Variants in SPOCK1 observed in about 807,000 individuals in gnomAD.
SPOCK1 encodes the protein SPARC (osteonectin), cwcv and kazal like domains proteoglycan 1.
In SPOCK1, 23 loss-of-function variants were observed where a neutral mutation model predicts 55.3. The ratio of observed to expected loss-of-function variants is 0.42; its 90% CI spans 0.30 to 0.59. The LOEUF is 0.59. Ranked by LOEUF, SPOCK1 falls within the 20% of genes least tolerant of loss-of-function variation. SPOCK1 has a pLI of 0.22. For synonymous variants in SPOCK1, 226 were observed against 221.0 expected (o/e 1.02, Z -0.20); for missense variants, 499 against 552.5 (o/e 0.90, Z 0.97).
chr5:137,202,161 T>A (rs1280241363), intron 3 of SPOCK1, among the ~76,000 whole-genome samples: 2 of 152,186 alleles, frequency 1.3e-5, no homozygotes, highest in African/African-American at 4.8e-5. Context: ...ACTCGGCCTC[T>A]AGGGACATCC....
At chr5:137,497,197 C>G (rs1253175483) in intron 2 of SPOCK1, among the ~76,000 whole-genome samples, 4 of 152,188 alleles carry the variant, frequency 2.6e-5, no homozygotes, top group African/African-American at 4.8e-5. Flanking sequence ...CCATACATAT[C>G]CCACCTCAAA....
intron 3 of SPOCK1, among the ~76,000 whole-genome samples, chr5:137,178,748 G>C (rs1379172451): frequency 6.6e-6 from 1 of 152,228 alleles, no homozygotes; most frequent in East Asian, 1.9e-4. Context: ...TTCAGACTAA[G>C]ACTGCCAGTG....
In SPOCK1 at chr5:137,007,736, C is replaced by T. The variant is rs187960079; in HGVS notation, c.590-15136G>A. 3.9e-5 allele frequency among the ~76,000 whole-genome samples: 6 copies of T among 152,176 alleles called. No homozygotes were observed. The East Asian group carries it at 1.2e-3, about 29-fold the overall frequency. On this transcript the variant is annotated intron_variant, in intron 6 of 10. Coordinates refer to ENST00000394945, the MANE Select transcript of SPOCK1 (RefSeq NM_004598.4). Reference sequence around the variant, plus strand: ...GATTGTAGAAGACAATGTGGCGATTCCTCAAGGATTTAGAACTAGAAATAC... The same window carrying T: ...GATTGTAGAAGACAATGTGGCGATTTCTCAAGGATTTAGAACTAGAAATAC...
chr5:137,386,633 T>C (rs985219856), intron 2 of SPOCK1, among the ~76,000 whole-genome samples: 2 of 152,110 alleles, frequency 1.3e-5, no homozygotes, highest in African/African-American at 2.4e-5. Flanking sequence ...AATCACAGAC[T>C]TTACACCCTT....
chr5:137,123,123 C>T (rs1246742440), intron 4 of SPOCK1, among the ~76,000 whole-genome samples: 1 of 152,206 alleles, frequency 6.6e-6, no homozygotes, highest in Non-Finnish European at 1.5e-5. Context: ...AAAAGCGCTA[C>T]AGGAGGCTGG....
At chr5:137,217,610 T>A (rs989132887) in intron 3 of SPOCK1, among the ~76,000 whole-genome samples, 2 of 152,192 alleles carry the variant, frequency 1.3e-5, no homozygotes, top group African/African-American at 4.8e-5. Flanking sequence ...ACACTGTGGT[T>A]TGAAATAAAA....
chr5:137,452,403 G>A (rs908886264), intron 2 of SPOCK1, among the ~76,000 whole-genome samples: 7 of 152,212 alleles, frequency 4.6e-5, no homozygotes, highest in African/African-American at 1.2e-4. Flanking sequence ...TTGAAAGGGC[G>A]GGGCTTACTG....
intron 2 of SPOCK1, among the ~76,000 whole-genome samples, chr5:137,457,473 G>A (rs1189918754): frequency 6.6e-6 from 1 of 150,534 alleles, no homozygotes; most frequent in African/African-American, 2.4e-5. Context: ...AAGAATCATG[G>A]AGCCTTTCAA....
At chr5:137,429,160 G>A (rs1461467931) in intron 2 of SPOCK1, among the ~76,000 whole-genome samples, 7 of 152,164 alleles carry the variant, frequency 4.6e-5, no homozygotes, top group Non-Finnish European at 1.5e-5. Flanking sequence ...TTTTCCCACA[G>A]ATTGGTCTCC....
At chr5:137,280,063 T>C (rs1459948998) in intron 2 of SPOCK1, among the ~76,000 whole-genome samples, 2 of 152,204 alleles carry the variant, frequency 1.3e-5, no homozygotes, top group Non-Finnish European at 2.9e-5. Context: ...GTGATCATGA[T>C]TCATGGCCTC....
At chr5:137,392,920 T>G (rs779209055) in intron 2 of SPOCK1, among the ~76,000 whole-genome samples, 1 of 152,174 alleles carries the variant, frequency 6.6e-6, no homozygotes, top group Non-Finnish European at 1.5e-5. Context: ...TATTGTATCA[T>G]CCAGCATTAC....
chr5:137,429,870 A>G (rs1386044476), intron 2 of SPOCK1, among the ~76,000 whole-genome samples: 2 of 152,206 alleles, frequency 1.3e-5, no homozygotes, highest in East Asian at 3.8e-4. Flanking sequence ...ATCTTACAAC[A>G]CTATGGCAGA....
chr5:137,081,020 A>G (rs1301817548), intron 5 of SPOCK1, among the ~76,000 whole-genome samples: 3 of 152,234 alleles, frequency 2.0e-5, no homozygotes, highest in Non-Finnish European at 2.9e-5. Context: ...TATCATTCAG[A>G]GTTCAGACAA....
intron 6 of SPOCK1, among the ~76,000 whole-genome samples, chr5:137,022,308 C>T (rs972659331): frequency 4.6e-5 from 7 of 152,102 alleles, no homozygotes; most frequent in African/African-American, 1.7e-4. Context: ...AGCTGACAGC[C>T]AGTTTCAATG....
intron 6 of SPOCK1, among the ~76,000 whole-genome samples, chr5:137,060,992 G>C (rs1028317476): frequency 1.3e-5 from 2 of 152,166 alleles, no homozygotes; most frequent in African/African-American, 4.8e-5. Flanking sequence ...TTAAGGTCAT[G>C]ACATTTAGAA....
chr5:137,140,733 T>A, intron 3 of SPOCK1, 39 bp from the exon 4 acceptor site: 156 of 691,608 alleles, frequency 2.3e-4, no homozygotes, highest in Non-Finnish European at 3.5e-4. Context: ...GTTTAGGACC[T>A]CCAGGGAAAT....
chr5:137,072,239 T>C (rs2127008519), intron 5 of SPOCK1, among the ~76,000 whole-genome samples: 1 of 152,366 alleles, frequency 6.6e-6, no homozygotes, highest in East Asian at 1.9e-4. Context: ...GATTTTATGA[T>C]GAAGCAGTCA....
At chr5:137,093,309 G>T (rs974965550) in intron 5 of SPOCK1, among the ~76,000 whole-genome samples, 1 of 152,170 alleles carries the variant, frequency 6.6e-6, no homozygotes, top group Admixed American at 6.5e-5. Flanking sequence ...GAAGGGCAGG[G>T]TCTCTCTCAG....
chr5:137,264,482 C>T (rs940229143), intron 3 of SPOCK1, among the ~76,000 whole-genome samples: 2 of 152,124 alleles, frequency 1.3e-5, no homozygotes, highest in African/African-American at 4.8e-5. Context: ...CAAGCCTACT[C>T]CACACCCACC....
Sources: gnomAD v4.1 joint callset for allele counts (sites outside exome capture counted in the v4.1 genomes callset) on GRCh38, gnomAD v4.1.1 for gene constraint, MANE v1.5 for transcripts, NCBI Gene and HGNC (gene_info 2026-07-23, HGNC 2026-07-21) for gene names.